CNTN4: variants seen among roughly 807,000 people sequenced by gnomAD.
CNTN4 encodes contactin 4, also known as contactin-4.
CNTN4 carries 77 observed loss-of-function variants against 122.5 expected under a neutral mutation model. The observed-to-expected ratio is 0.63, with a 90% CI of 0.52 to 0.76. The LOEUF (loss-of-function observed/expected upper bound fraction) is 0.76. CNTN4 is among the 30% of genes least tolerant of loss of function. The pLI is 0.00. For missense variants in CNTN4, 1,256 were observed against 1,259.1 expected, an observed-to-expected ratio of 1.00 and a Z score of 0.04; for synonymous variants, 512 against 447.0, an observed-to-expected ratio of 1.15 and a Z score of -1.83.
chr3:2,137,988 A>G (rs1286472098), intron 2 of CNTN4, among the ~76,000 whole-genome samples: 2 of 152,186 alleles, frequency 1.3e-5, no homozygotes, highest in African/African-American at 4.8e-5. Flanking sequence ...ACCAAGCTGC[A>G]AAGAGGCTGG....
At chr3:2,551,572 G>A (rs1273450171) in intron 3 of CNTN4, among the ~76,000 whole-genome samples, 1 of 152,034 alleles carries the variant, frequency 6.6e-6, no homozygotes, top group African/African-American at 2.4e-5. Flanking sequence ...ATCATGAAAG[G>A]ATTTTTGAAA....
At chr3:2,924,951 A>C (rs1161703022) in intron 12 of CNTN4, among the ~76,000 whole-genome samples, 5 of 152,204 alleles carry the variant, frequency 3.3e-5, no homozygotes, top group Non-Finnish European at 7.3e-5. Context: ...TAAAAAAAAA[A>C]ATCTTATGGC....
chr3:2,751,128 C>T (rs2090069482), intron 6 of CNTN4, among the ~76,000 whole-genome samples: 1 of 134,608 alleles, frequency 7.4e-6, no homozygotes, highest in Non-Finnish European at 1.6e-5. Context: ...GGTGAAACCC[C>T]ATCTCTACTA....
intron 13 of CNTN4, among the ~76,000 whole-genome samples, chr3:2,964,403 C>T (rs1692090176): frequency 1.3e-5 from 2 of 152,148 alleles, no homozygotes; most frequent in African/African-American, 2.4e-5. Flanking sequence ...CACCAAATTG[C>T]TTAGTAACTC....
chr3:2,235,254 T>C (rs1355171561), intron 2 of CNTN4, among the ~76,000 whole-genome samples: 1 of 152,174 alleles, frequency 6.6e-6, no homozygotes, highest in Non-Finnish European at 1.5e-5. Context: ...TTTATCAAGG[T>C]TATGCATACT....
chr3:2,333,072 T>C (rs1031244276), intron 2 of CNTN4, among the ~76,000 whole-genome samples: 4 of 152,084 alleles, frequency 2.6e-5, no homozygotes, highest in Admixed American at 2.0e-4. Context: ...CAATGAGCTG[T>C]CCTAATTATG....
chr3:2,846,665 G>T (rs570747775), intron 7 of CNTN4, among the ~76,000 whole-genome samples: 1 of 152,136 alleles, frequency 6.6e-6, no homozygotes, highest in Non-Finnish European at 1.5e-5. Flanking sequence ...GGACTCCTCT[G>T]TTCATAGCTG....
intron 2 of CNTN4, among the ~76,000 whole-genome samples, chr3:2,255,120 C>T (rs1310801647): frequency 6.6e-6 from 1 of 152,196 alleles, no homozygotes; most frequent in Non-Finnish European, 1.5e-5. Flanking sequence ...CCAGTTTTCC[C>T]AACACCATTT....
intron 4 of CNTN4, among the ~76,000 whole-genome samples, chr3:2,692,443 G>A (rs531598917): frequency 6.6e-6 from 1 of 152,218 alleles, no homozygotes; most frequent in African/African-American, 2.4e-5. Flanking sequence ...GCTGGAGAGA[G>A]GGAGCATTGA....
At chr3:2,190,825 CACACACACAT>C (rs1269813819) in intron 2 of CNTN4, among the ~76,000 whole-genome samples, 1 of 151,140 alleles carries the variant, frequency 6.6e-6, no homozygotes, top group African/African-American at 2.4e-5. Flanking sequence ...CACACACACA[CACACACACAT>C]ACACACACAC....
intron 12 of CNTN4, among the ~76,000 whole-genome samples, chr3:2,905,951 T>G (rs1499134): frequency 6.6e-6 from 1 of 152,208 alleles, no homozygotes; most frequent in Non-Finnish European, 1.5e-5. Context: ...CCTCAGTGGA[T>G]GAATGGGCAA....
chr3:2,773,254 A>G (rs1409052058), intron 6 of CNTN4, among the ~76,000 whole-genome samples: 1 of 152,100 alleles, frequency 6.6e-6, no homozygotes, highest in African/African-American at 2.4e-5. Context: ...TGCTTTATAT[A>G]TTTTTTCAGG....
In CNTN4 at chr3:2,524,693, TCTC is replaced by T. The variant is rs552626409; in HGVS notation, c.-88-46719_-88-46717del. 4.8e-3 allele frequency among the ~76,000 whole-genome samples: 733 copies of T among 152,212 alleles called. 2 individuals are homozygous for T. The highest frequency in any genetic ancestry group is 8.9e-3 in the Non-Finnish European group (605 of 68,000). On this transcript the variant is annotated intron_variant, in intron 3 of 24. Coordinates refer to ENST00000418658, the MANE Select transcript of CNTN4 (RefSeq NM_175607.3). ...AAATGTTCCCAACACTTTTTGTCCA[TCTC>T]CTCTGTCTTCAGTAGTGGCACACTG...
At chr3:2,728,823 A>G (rs2149442252) in intron 4 of CNTN4, among the ~76,000 whole-genome samples, 1 of 152,310 alleles carries the variant, frequency 6.6e-6, no homozygotes, top group East Asian at 1.9e-4. Context: ...TTTACTTCCC[A>G]AGTGAAAATT....
At chr3:2,777,387 C>A (rs1004498643) in intron 6 of CNTN4, among the ~76,000 whole-genome samples, 2 of 152,180 alleles carry the variant, frequency 1.3e-5, no homozygotes, top group African/African-American at 4.8e-5. Context: ...ACTAATACTT[C>A]TAAGAGTGTG....
chr3:2,376,037 A>G (rs990074473), intron 3 of CNTN4, among the ~76,000 whole-genome samples: 5 of 152,160 alleles, frequency 3.3e-5, no homozygotes, highest in Admixed American at 6.5e-5. Context: ...CCTACCCTAC[A>G]TGAAAGCTAT....
intron 2 of CNTN4, among the ~76,000 whole-genome samples, chr3:2,166,476 T>G (rs1243651264): frequency 6.6e-6 from 1 of 152,102 alleles, no homozygotes; most frequent in East Asian, 1.9e-4. Flanking sequence ...GTTCTCCAAG[T>G]CACCTGACAG....
At chr3:2,606,600 A>T (rs955767734) in intron 4 of CNTN4, among the ~76,000 whole-genome samples, 3 of 152,202 alleles carry the variant, frequency 2.0e-5, no homozygotes, top group Admixed American at 1.3e-4. Flanking sequence ...CTAATTCCAT[A>T]TGCTTTTCTT....
intron 2 of CNTN4, among the ~76,000 whole-genome samples, chr3:2,325,463 T>G (rs1289541196): frequency 6.6e-5 from 10 of 152,242 alleles, no homozygotes; most frequent in Non-Finnish European, 1.3e-4. Flanking sequence ...TCTCCCTAAT[T>G]TTAAGAACGC....
Sources: allele counts gnomAD v4.1 joint callset (sites outside exome capture counted in the v4.1 genomes callset), GRCh38; gene constraint gnomAD v4.1.1; transcripts MANE v1.5; gene names NCBI Gene and HGNC (gene_info 2026-07-23, HGNC 2026-07-21).